RASGRP3: variants seen among roughly 807,000 people sequenced by gnomAD.
RASGRP3 encodes the protein RAS guanyl releasing protein 3.
RASGRP3 carries 54 observed loss-of-function variants against 82.7 expected under a neutral mutation model. That is an observed-to-expected ratio of 0.65 (90% CI 0.52 to 0.82). The LOEUF (loss-of-function observed/expected upper bound fraction) is 0.82. Among genes scored for constraint, RASGRP3 ranks in the 40% least tolerant of loss-of-function variants. The pLI is 0.00. For synonymous variants in RASGRP3, 309 were observed against 300.5 expected, an observed-to-expected ratio of 1.03 and a Z score of -0.29; for missense variants, 861 against 828.9, an observed-to-expected ratio of 1.04 and a Z score of -0.48.
chr2:33,472,585 A>G (rs1353865240), upstream of RASGRP3, among the ~76,000 whole-genome samples: 1 of 152,184 alleles, frequency 6.6e-6, no homozygotes, highest in Non-Finnish European at 1.5e-5. Context: ...CCCAGACCTG[A>G]GGATGAAGGA....
intron 13 of RASGRP3, among the ~76,000 whole-genome samples, chr2:33,546,413 A>T (rs1674757209): frequency 6.8e-6 from 1 of 146,418 alleles, no homozygotes; most frequent in Non-Finnish European, 1.5e-5. Flanking sequence ...ACAGAGCAAG[A>T]CTCCGTCTCA....
chr2:33,473,753 G>A (rs186284634), upstream of RASGRP3, among the ~76,000 whole-genome samples: 82 of 152,258 alleles, frequency 5.4e-4, no homozygotes, highest in Non-Finnish European at 9.3e-4. Context: ...TGCTTCATAG[G>A]GAGGATTGAG....
chr2:33,547,978 G>A (rs551076865), intron 13 of RASGRP3, among the ~76,000 whole-genome samples: 1 of 152,278 alleles, frequency 6.6e-6, no homozygotes, highest in South Asian at 2.1e-4. Flanking sequence ...CAGATTTGTA[G>A]GGTTAGAAAA....
chr2:33,530,657 G>A (rs980120892), intron 10 of RASGRP3, among the ~76,000 whole-genome samples: 1 of 152,056 alleles, frequency 6.6e-6, no homozygotes, highest in African/African-American at 2.4e-5. Flanking sequence ...TTTCACATCT[G>A]TAAAAATTAA....
In RASGRP3 at chr2:33,520,559, G is replaced by C; in HGVS notation, c.243G>C (p.Trp81Cys). ...RLKICYFMRY[W>C]ILKFPAEFNL... ...AATATTTGATGCCTTTCAGGTACTG[G>C]ATTCTGAAGTTTCCTGCAGAGTTTA... The change falls in exon 6 of 18, where the codon TGG (tryptophan) becomes TGC (cysteine). Residue 81 changes from tryptophan (W) to cysteine (C), a missense_variant. Physicochemically the swap from Trp to Cys is radical, Grantham distance 215 (BLOSUM62 -2). Coordinates refer to ENST00000403687, the MANE Select transcript of RASGRP3 (RefSeq NM_001139488.2). 6.2e-7 allele frequency: 1 copy of C among 1,613,842 alleles called. No homozygotes were observed. The highest frequency in any genetic ancestry group is 8.5e-7 in the Non-Finnish European group (1 of 1,179,750).
chr2:33,493,477 T>A (rs1669035472), intron 1 of RASGRP3, among the ~76,000 whole-genome samples: 1 of 152,152 alleles, frequency 6.6e-6, no homozygotes, highest in Non-Finnish European at 1.5e-5. Context: ...AGCCAAGGTT[T>A]GAGTGGCTAA....
intron 9 of RASGRP3, among the ~76,000 whole-genome samples, chr2:33,525,457 C>T (rs951185651): frequency 6.6e-6 from 1 of 151,750 alleles, no homozygotes; most frequent in African/African-American, 2.4e-5. Flanking sequence ...GCATTTCATC[C>T]TTATGAAAAG....
rs1289024955 is a variant in RASGRP3 at position 33,524,003 on chromosome 2, C to T, written c.641C>T (p.Thr214Ile). Reference sequence around the variant, plus strand: ...CAGTTGATGGTTCTTAGCAAACCAACCCCCCAGCAAAGGGCAGAAGTCATC... The same window carrying T: ...CAGTTGATGGTTCTTAGCAAACCAATCCCCCAGCAAAGGGCAGAAGTCATC... ...WVQLMVLSKP[T>I]PQQRAEVITK... Residue 214 changes from threonine (T) to isoleucine (I), a missense_variant, in exon 8 of 18, where the codon ACC becomes ATC. Thr to Ile is a moderately conservative substitution (Grantham distance 89, BLOSUM62 -1). Transcript: ENST00000403687. 3.1e-6 allele frequency: 5 copies of T among 1,613,448 alleles called. No individual in the cohort carries two copies. The highest frequency in any genetic ancestry group is 4.2e-6 in the Non-Finnish European group (5 of 1,179,666).
intron 1 of RASGRP3, among the ~76,000 whole-genome samples, chr2:33,480,289 C>T (rs372852812): frequency 2.0e-4 from 31 of 152,242 alleles, no homozygotes; most frequent in South Asian, 1.4e-3. Context: ...GTGATCCACC[C>T]GCCTCGGCCT....
At chr2:33,542,170 T>G (rs1674338169) in intron 12 of RASGRP3, among the ~76,000 whole-genome samples, 1 of 147,414 alleles carries the variant, frequency 6.8e-6, no homozygotes, top group African/African-American at 2.4e-5. Context: ...TAATTTATTT[T>G]GTAAGATTAT....
At chr2:33,505,990 G>T (rs1304052516) in intron 1 of RASGRP3, among the ~76,000 whole-genome samples, 1 of 152,182 alleles carries the variant, frequency 6.6e-6, no homozygotes, top group Non-Finnish European at 1.5e-5. Flanking sequence ...AAATATGTTG[G>T]TTTGGTTGCC....
intron 4 of RASGRP3, among the ~76,000 whole-genome samples, chr2:33,517,789 A>C (rs2151015095): frequency 6.6e-6 from 1 of 152,212 alleles, no homozygotes; most frequent in South Asian, 2.1e-4. Flanking sequence ...CAGCATTCTC[A>C]CCCTTAGCAT....
chr2:33,495,359 T>C (rs190568272), intron 1 of RASGRP3, among the ~76,000 whole-genome samples: 152 of 152,296 alleles, frequency 1.0e-3, no homozygotes, highest in African/African-American at 3.6e-3. Flanking sequence ...ATAACTTAGA[T>C]TCATTGTTTG....
At chr2:33,472,281 T>C (rs1036866749), upstream of RASGRP3, among the ~76,000 whole-genome samples, 1 of 152,156 alleles carries the variant, frequency 6.6e-6, no homozygotes, top group Non-Finnish European at 1.5e-5. Context: ...CTAATTATAA[T>C]ACAGAAAGAA....
intron 10 of RASGRP3, among the ~76,000 whole-genome samples, chr2:33,528,648 G>A (rs796750100): frequency 1.4e-4 from 21 of 152,298 alleles, no homozygotes; most frequent in African/African-American, 4.8e-4. Flanking sequence ...CATTGGAATA[G>A]GAGTGTGGTT....
chr2:33,548,502 A>G (rs1558516007), intron 13 of RASGRP3, among the ~76,000 whole-genome samples: 1 of 152,036 alleles, frequency 6.6e-6, no homozygotes, highest in African/African-American at 2.4e-5. Context: ...GAAGAGACTG[A>G]GCATAACCTG....
At chr2:33,504,795 T>C (rs1670203421) in intron 1 of RASGRP3, among the ~76,000 whole-genome samples, 1 of 151,258 alleles carries the variant, frequency 6.6e-6, no homozygotes, top group South Asian at 2.1e-4. Context: ...CCTTGGAGAT[T>C]GTCATCTGGA....
chr2:33,558,849 C>CG lies in RASGRP3; in HGVS notation c.1887dup (p.Ser630ValfsTer6). On this transcript the variant is annotated frameshift_variant, in exon 17 of 18. Transcript: ENST00000403687. LOFTEE classifies it high-confidence loss of function. ...TGGTCAGAGGCTGGCTGGGGGGACT[C>CG]GGGGTCCCACACCTTCCCTAAAATG... 1.2e-6 allele frequency: 2 copies of CG among 1,613,984 alleles called. No homozygotes were observed. The highest frequency in any genetic ancestry group is 8.5e-7 in the Non-Finnish European group (1 of 1,179,904).
intron 9 of RASGRP3, among the ~76,000 whole-genome samples, chr2:33,525,584 C>T (rs990341162): frequency 2.7e-5 from 4 of 150,216 alleles, no homozygotes; most frequent in African/African-American, 9.8e-5. Context: ...TATCGTCCAT[C>T]AGGCGTGGTG....
Sources: gnomAD v4.1 joint callset for allele counts (sites outside exome capture counted in the v4.1 genomes callset) on GRCh38, gnomAD v4.1.1 for gene constraint, MANE v1.5 for transcripts, NCBI Gene and HGNC (gene_info 2026-07-23, HGNC 2026-07-21) for gene names.